The following ADGRB3 variants were observed in gnomAD, a reference collection of about 807,000 sequenced individuals.
ADGRB3 encodes the protein brain-specific angiogenesis inhibitor 3.
In ADGRB3, 37 loss-of-function variants were observed where a neutral mutation model predicts 193.4. That is an observed-to-expected ratio of 0.19 (90% CI 0.15 to 0.25). The LOEUF is 0.25. ADGRB3 is among the 10% of genes least tolerant of loss of function. ADGRB3 has a pLI of 1.00. For synonymous variants in ADGRB3, 690 were observed against 644.2 expected, an observed-to-expected ratio of 1.07 and a Z score of -1.08; for missense variants, 1,637 against 1,852.9, an observed-to-expected ratio of 0.88 and a Z score of 2.14.
intron 3 of ADGRB3, among the ~76,000 whole-genome samples, chr6:68,776,588 T>C (rs981801908): frequency 2.8e-4 from 43 of 152,118 alleles, no homozygotes; most frequent in Non-Finnish European, 4.4e-5. Flanking sequence ...CTAACTGACA[T>C]TTGCAATTTC....
intron 13 of ADGRB3, among the ~76,000 whole-genome samples, chr6:69,043,154 T>C (rs1044594671): frequency 4.6e-5 from 7 of 151,956 alleles, no homozygotes; most frequent in African/African-American, 1.7e-4. Flanking sequence ...CTGGCTGATC[T>C]TGTGTTCCCA....
chr6:69,183,274 G>A (rs888549602), intron 17 of ADGRB3, among the ~76,000 whole-genome samples: 2 of 152,040 alleles, frequency 1.3e-5, no homozygotes, highest in Non-Finnish European at 2.9e-5. Context: ...CAAATGAAAT[G>A]GTAAAATCTA....
intron 20 of ADGRB3, among the ~76,000 whole-genome samples, chr6:69,255,157 A>G (rs185622323): frequency 0.053 from 8,088 of 151,916 alleles, 283 homozygotes; most frequent in Non-Finnish European, 0.075. Context: ...GAATAGTGCC[A>G]CAATAAACAT....
chr6:69,369,872 C>A lies in ADGRB3; in HGVS notation c.4240-2534C>A, dbSNP rs529109852. Reference sequence around the variant, plus strand: ...AATATCAAATTGCTAGGTTTTTTTTCTCCTTCAAAATGCAATTGACAAGTA... The same window carrying A: ...AATATCAAATTGCTAGGTTTTTTTTATCCTTCAAAATGCAATTGACAAGTA... On this transcript the variant is annotated intron_variant, in intron 29 of 31. Coordinates refer to ENST00000370598, the MANE Select transcript of ADGRB3 (RefSeq NM_001704.3). Among the ~76,000 whole-genome samples the A allele has an allele frequency of 2.6e-5, 4 of 151,810 alleles. No individual in the cohort carries two copies. The East Asian group carries it at 7.8e-4, about 29-fold the overall frequency.
chr6:69,063,057 A>T, intron 16 of ADGRB3, 21 bp downstream of exon 16: 1 of 1,542,638 alleles, frequency 6.5e-7, no homozygotes, highest in Non-Finnish European at 9.0e-7. Flanking sequence ...TCCACTGGGC[A>T]CTGACTTGCT....
At chr6:69,150,669 A>G (rs2150341172) in intron 17 of ADGRB3, among the ~76,000 whole-genome samples, 1 of 152,264 alleles carries the variant, frequency 6.6e-6, no homozygotes, top group South Asian at 2.1e-4. Context: ...TTCTTTCCTT[A>G]AACAAAAGGA....
chr6:69,007,681 TCTCTCTCTCTCTCACACA>T (rs994635113), intron 11 of ADGRB3, among the ~76,000 whole-genome samples: 5 of 74,840 alleles, frequency 6.7e-5, no homozygotes, highest in Admixed American at 2.3e-4. Flanking sequence ...TCTCTCTCTC[TCTCTCTCTCTCTCACACA>T]CACACACACA....
intron 3 of ADGRB3, among the ~76,000 whole-genome samples, chr6:68,830,202 C>T (rs1036314315): frequency 6.6e-6 from 1 of 152,082 alleles, no homozygotes; most frequent in Non-Finnish European, 1.5e-5. Flanking sequence ...TTATTTTTGA[C>T]ATTTTCAGAT....
rs528739498 is a variant in ADGRB3 at position 69,025,420 on chromosome 6, A to T, written c.2107+6921A>T. ...TTTATTTTCCTTTGTGTCGCTGCTT[A>T]GTTTTGTGATTCACACATCCCCATC... On this transcript the variant is annotated intron_variant, in intron 13 of 31. Transcript: ENST00000370598. 2.3e-3 allele frequency among the ~76,000 whole-genome samples: 346 copies of T among 151,954 alleles called. 1 individual carries two copies. Among genetic ancestry groups the T allele is most frequent in the Middle Eastern group, 0.02 (6 of 294 alleles).
At chr6:68,968,232 T>C (rs1480989643) in intron 8 of ADGRB3, among the ~76,000 whole-genome samples, 22 of 152,186 alleles carry the variant, frequency 1.4e-4, no homozygotes, top group Admixed American at 1.4e-3. Context: ...TTCACCCTAC[T>C]GGCTCACTAG....
chr6:69,126,093 G>A (rs1200187018), intron 17 of ADGRB3, among the ~76,000 whole-genome samples: 1 of 152,130 alleles, frequency 6.6e-6, no homozygotes, highest in Non-Finnish European at 1.5e-5. Context: ...ATATGGACTA[G>A]TTACAAATAA....
chr6:69,176,497 T>C (rs935413849), intron 17 of ADGRB3, among the ~76,000 whole-genome samples: 1 of 152,198 alleles, frequency 6.6e-6, no homozygotes, highest in Non-Finnish European at 1.5e-5. Context: ...TACTTGATCA[T>C]GATGAATTAA....
chr6:69,280,519 A>G (rs559478112), intron 20 of ADGRB3, among the ~76,000 whole-genome samples: 34 of 152,302 alleles, frequency 2.2e-4, no homozygotes, highest in African/African-American at 7.7e-4. Context: ...CATTAGACTT[A>G]TACATATAAA....
intron 8 of ADGRB3, among the ~76,000 whole-genome samples, chr6:68,961,617 C>G (rs977064317): frequency 6.6e-6 from 1 of 152,064 alleles, no homozygotes; most frequent in Non-Finnish European, 1.5e-5. Flanking sequence ...TTCTTCTAAA[C>G]TAAACTCTTG....
intron 8 of ADGRB3, among the ~76,000 whole-genome samples, chr6:68,964,533 A>G (rs776626209): frequency 3.3e-5 from 5 of 152,216 alleles, no homozygotes; most frequent in Admixed American, 6.6e-5. Flanking sequence ...AAGGTAATAC[A>G]GAAACTTAGT....
chr6:69,220,208 T>C (rs1300437774), intron 17 of ADGRB3, among the ~76,000 whole-genome samples: 1 of 152,108 alleles, frequency 6.6e-6, no homozygotes, highest in African/African-American at 2.4e-5. Flanking sequence ...TTTAATGACC[T>C]TTTCAAACTT....
In ADGRB3 at chr6:69,314,417, CT is replaced by C. The variant is rs1420288471; in HGVS notation, c.2815-10452del. Among the ~76,000 whole-genome samples the C allele has an allele frequency of 2.0e-5, 3 of 151,710 alleles. No homozygotes were observed. The East Asian group carries it at 5.8e-4, about 30-fold the overall frequency. ...ATCAGTCATTTTGTATCTCACATAA[CT>C]TTATATTGACAGTTTCTTCTGTTCA... On this transcript the variant is annotated intron_variant, in intron 20 of 31. Coordinates refer to ENST00000370598, the MANE Select transcript of ADGRB3 (RefSeq NM_001704.3).
chr6:69,371,654 G>T (rs1316629295), intron 29 of ADGRB3, among the ~76,000 whole-genome samples: 1 of 151,836 alleles, frequency 6.6e-6, no homozygotes, highest in Non-Finnish European at 1.5e-5. Context: ...TAATTTCATT[G>T]TAATCCTGTT....
chr6:68,978,489 A>G (rs182028844), intron 10 of ADGRB3, among the ~76,000 whole-genome samples: 7 of 151,732 alleles, frequency 4.6e-5, no homozygotes, highest in African/African-American at 1.7e-4. Flanking sequence ...CCTAAAGAGC[A>G]TGATCTTTTT....
Sources: gnomAD v4.1 joint callset for allele counts (sites outside exome capture counted in the v4.1 genomes callset) on GRCh38, gnomAD v4.1.1 for gene constraint, MANE v1.5 for transcripts, NCBI Gene and HGNC (gene_info 2026-07-23, HGNC 2026-07-21) for gene names.